Variants in AK5 observed in about 807,000 individuals in gnomAD.
AK5 encodes adenylate kinase isoenzyme 5.
In AK5, 27 loss-of-function variants were observed where a neutral mutation model predicts 69.5. The observed-to-expected ratio is 0.39, with a 90% CI of 0.29 to 0.54. The LOEUF (loss-of-function observed/expected upper bound fraction) is 0.54. Ranked by LOEUF, AK5 falls within the 20% of genes least tolerant of loss-of-function variation. The pLI is 0.71. For missense variants in AK5, 531 were observed against 700.4 expected, an observed-to-expected ratio of 0.76 and a Z score of 2.73; for synonymous variants, 260 against 244.4, an observed-to-expected ratio of 1.06 and a Z score of -0.60.
chr1:77,547,163 CA>C (rs1271771704), intron 13 of AK5, among the ~76,000 whole-genome samples: 3 of 150,120 alleles, frequency 2.0e-5, no homozygotes, highest in African/African-American at 7.4e-5. Flanking sequence ...GTCACATAAA[CA>C]AAAGTAAAAA....
At chr1:77,337,867 A>G (rs1191976655) in intron 5 of AK5, among the ~76,000 whole-genome samples, 2 of 152,248 alleles carry the variant, frequency 1.3e-5, no homozygotes, top group Non-Finnish European at 2.9e-5. Context: ...GTCTGATTCT[A>G]CAATCCATGC....
chr1:77,309,631 AGTAC>A, intron 5 of AK5, among the ~76,000 whole-genome samples: 1 of 152,254 alleles, frequency 6.6e-6, no homozygotes, highest in Admixed American at 6.5e-5. Context: ...TTTTATCATC[AGTAC>A]TTACCTTTTT....
intron 13 of AK5, among the ~76,000 whole-genome samples, chr1:77,548,873 C>G (rs549712336): frequency 6.9e-6 from 1 of 145,512 alleles, no homozygotes; most frequent in South Asian, 2.2e-4. Flanking sequence ...CAGAAATTTA[C>G]TATTTCCTGT....
intron 10 of AK5, among the ~76,000 whole-genome samples, chr1:77,518,276 T>A (rs1410808500): frequency 6.6e-6 from 1 of 152,198 alleles, no homozygotes; most frequent in African/African-American, 2.4e-5. Flanking sequence ...CTTCACTAAC[T>A]GCCTGTGACC....
At chr1:77,475,195 A>ATATATATGTGTG (rs1182380859) in intron 8 of AK5, among the ~76,000 whole-genome samples, 5 of 29,154 alleles carry the variant, frequency 1.7e-4, no homozygotes, top group Admixed American at 8.5e-4. Flanking sequence ...ATATATATAT[A>ATATATATGTGTG]TGTGTGTGTG....
chr1:77,398,733 G>A (rs1648995628), intron 6 of AK5, among the ~76,000 whole-genome samples: 1 of 152,016 alleles, frequency 6.6e-6, no homozygotes. Flanking sequence ...TCATTTCAAA[G>A]TATTTTAGTC....
Position 77,316,446 on chromosome 1 carries a change from A to C in AK5, c.699+18499A>C, listed in dbSNP as rs1020445746. Among the ~76,000 whole-genome samples the C allele has an allele frequency of 2.0e-5, 3 of 152,272 alleles. No individual in the cohort carries two copies. The South Asian group carries it at 6.2e-4, about 32-fold the overall frequency. On this transcript the variant is annotated intron_variant, in intron 5 of 13. Transcript: ENST00000354567. Reference sequence around the variant, plus strand: ...TGAGTTTGAGTGAGTGAGAGTGGATATATGAAAAATTCTCAACTAGATAAA... The same window carrying C: ...TGAGTTTGAGTGAGTGAGAGTGGATCTATGAAAAATTCTCAACTAGATAAA...
intron 8 of AK5, among the ~76,000 whole-genome samples, chr1:77,431,134 G>A (rs1044965237): frequency 2.0e-5 from 3 of 152,140 alleles, no homozygotes; most frequent in Non-Finnish European, 4.4e-5. Flanking sequence ...ACTTCCAGAG[G>A]CAAAGCCATC....
In AK5 at chr1:77,305,978, G is replaced by T. The variant is rs1320507202; in HGVS notation, c.699+8031G>T. Among the ~76,000 whole-genome samples the T allele has an allele frequency of 4.1e-5, 6 of 146,118 alleles. No individual in the cohort carries two copies. The East Asian group carries it at 1.0e-3, about 24-fold the overall frequency. On this transcript the variant is annotated intron_variant, in intron 5 of 13. Coordinates refer to ENST00000354567, the MANE Select transcript of AK5 (RefSeq NM_174858.3). ...ATTGATTCTTCCAATCCATGAAAATGGATTTTTTTTTCATTTTTTGGTGTC... is the reference window on the plus strand; with the variant it reads ...ATTGATTCTTCCAATCCATGAAAATTGATTTTTTTTTCATTTTTTGGTGTC...
chr1:77,311,016 C>T (rs1388628941), intron 5 of AK5, among the ~76,000 whole-genome samples: 1 of 152,148 alleles, frequency 6.6e-6, no homozygotes, highest in African/African-American at 2.4e-5. Context: ...CAATTCTTAA[C>T]GCTCCATCTT....
chr1:77,295,691 G>T (rs2689684), intron 3 of AK5, among the ~76,000 whole-genome samples: 22,501 of 151,924 alleles, frequency 0.15, 2,128 homozygotes, highest in Non-Finnish European at 0.2. Flanking sequence ...TGTTGTTCTT[G>T]CTGCTAGTAA....
intron 8 of AK5, among the ~76,000 whole-genome samples, chr1:77,461,098 A>G (rs1470563052): frequency 7.0e-6 from 1 of 143,532 alleles, no homozygotes; most frequent in African/African-American, 2.6e-5. Flanking sequence ...CAGTGGTGCT[A>G]TCTCGGCTCA....
At chr1:77,408,709 A>G (rs780328841) in intron 6 of AK5, among the ~76,000 whole-genome samples, 78 of 152,200 alleles carry the variant, frequency 5.1e-4, no homozygotes, top group African/African-American at 1.8e-3. Flanking sequence ...TATCACTTAG[A>G]ACTCAGTAAA....
chr1:77,495,126 C>T (rs954969459), intron 10 of AK5, among the ~76,000 whole-genome samples: 1 of 152,090 alleles, frequency 6.6e-6, no homozygotes, highest in Non-Finnish European at 1.5e-5. Flanking sequence ...GTCATCAGCA[C>T]TCATATTCTT....
intron 5 of AK5, among the ~76,000 whole-genome samples, chr1:77,317,595 C>T (rs1291719726): frequency 6.6e-6 from 1 of 152,128 alleles, no homozygotes; most frequent in Non-Finnish European, 1.5e-5. Flanking sequence ...TGTTCAGTCC[C>T]ATCTATTTGA....
chr1:77,430,181 C>G (rs144993338), intron 8 of AK5, among the ~76,000 whole-genome samples: 152 of 150,590 alleles, frequency 1.0e-3, no homozygotes, highest in African/African-American at 3.6e-3. Flanking sequence ...GAGTGGGAGG[C>G]TGCAGTGGTC....
At chr1:77,553,114 A>G (rs1439161542) in intron 13 of AK5, among the ~76,000 whole-genome samples, 1 of 152,236 alleles carries the variant, frequency 6.6e-6, no homozygotes, top group African/African-American at 2.4e-5. Flanking sequence ...TATGAGAAAC[A>G]TAGGTATGGT....
At chr1:77,347,724 C>G (rs888497710) in intron 6 of AK5, among the ~76,000 whole-genome samples, 4 of 152,190 alleles carry the variant, frequency 2.6e-5, no homozygotes, top group Admixed American at 2.0e-4. Flanking sequence ...AGTATATCAT[C>G]CACTGTCCTG....
chr1:77,337,105 A>T (rs1349416021), intron 5 of AK5, among the ~76,000 whole-genome samples: 1 of 152,186 alleles, frequency 6.6e-6, no homozygotes, highest in Non-Finnish European at 1.5e-5. Context: ...GCTTGGAAAA[A>T]GTCTAACTAA....
Sources: allele counts gnomAD v4.1 joint callset (sites outside exome capture counted in the v4.1 genomes callset), GRCh38; gene constraint gnomAD v4.1.1; transcripts MANE v1.5; gene names NCBI Gene and HGNC (gene_info 2026-07-23, HGNC 2026-07-21).